The following MACROH2A2 variants were observed in gnomAD, a reference collection of about 807,000 sequenced individuals.
MACROH2A2 encodes the protein macroH2A.2 histone.
A neutral mutation model predicts 37.6 loss-of-function variants in MACROH2A2; 6 were observed. The observed-to-expected ratio is 0.16, with a 90% CI of 0.09 to 0.32. The LOEUF (loss-of-function observed/expected upper bound fraction) is 0.32, where lower values mean the gene tolerates loss of function less well. Ranked by LOEUF, MACROH2A2 falls within the 10% of genes least tolerant of loss-of-function variation. MACROH2A2 has a pLI of 1.00. For synonymous variants in MACROH2A2, 192 were observed against 202.7 expected (o/e 0.95, Z 0.45); for missense variants, 290 against 485.9 (o/e 0.60, Z 3.79).
At chr10:70,079,454 C>T (rs1012582448) in intron 2 of MACROH2A2, among the ~76,000 whole-genome samples, 2 of 151,740 alleles carry the variant, frequency 1.3e-5, no homozygotes, top group East Asian at 1.9e-4. Flanking sequence ...TCTAATGTGC[C>T]GAGAGCAGAG....
chr10:70,056,678 C>T lies in MACROH2A2; in HGVS notation c.-60+3678C>T, dbSNP rs151060464. 2.6e-3 allele frequency among the ~76,000 whole-genome samples: 397 copies of T among 152,144 alleles called. 5 individuals carry two copies. The highest frequency in any genetic ancestry group is 9.0e-3 in the African/African-American group (372 of 41,504). On this transcript the variant is annotated intron_variant, in intron 1 of 8. Transcript: ENST00000373255. ...ATTTGGATGAAGAAGGGTAAGGGAG[C>T]GAGGCAGGTGGAAGGAAGCTGGATG... is the stretch of plus-strand genomic sequence containing the variant.
intron 8 of MACROH2A2, among the ~76,000 whole-genome samples, chr10:70,110,729 T>TA (rs35950966): frequency 2.7e-4 from 40 of 148,960 alleles, no homozygotes; most frequent in Non-Finnish European, 4.8e-4. Context: ...ACAAAAAATT[T>TA]AAAAAAAAAA....
At chr10:70,111,363 C>A (rs1438991177) in intron 8 of MACROH2A2, among the ~76,000 whole-genome samples, 155 bp from the exon 9 acceptor site, 1 of 152,150 alleles carries the variant, frequency 6.6e-6, no homozygotes, top group Non-Finnish European at 1.5e-5. Flanking sequence ...CCACCTGCCA[C>A]CCCCAGGCTG....
intron 1 of MACROH2A2, among the ~76,000 whole-genome samples, chr10:70,054,103 G>C (rs990712187): frequency 6.6e-6 from 1 of 152,232 alleles, no homozygotes; most frequent in Non-Finnish European, 1.5e-5. Flanking sequence ...AATGGCCAAA[G>C]GGGCATTGGT....
intron 1 of MACROH2A2, among the ~76,000 whole-genome samples, chr10:70,056,625 G>A (rs1333373209): frequency 6.6e-6 from 1 of 152,170 alleles, no homozygotes; most frequent in African/African-American, 2.4e-5. Flanking sequence ...GAGGGTGTTG[G>A]GCTAGGCTTC....
At chr10:70,086,914 G>A (rs1446850309) in intron 2 of MACROH2A2, among the ~76,000 whole-genome samples, 1 of 152,210 alleles carries the variant, frequency 6.6e-6, no homozygotes, top group Non-Finnish European at 1.5e-5. Flanking sequence ...AGCCTGCCGG[G>A]AACAGCGGCT....
intron 7 of MACROH2A2, among the ~76,000 whole-genome samples, chr10:70,108,454 T>G (rs2072350582): frequency 1.3e-5 from 2 of 152,108 alleles, no homozygotes; most frequent in Admixed American, 1.3e-4. Flanking sequence ...AGCTGCAACA[T>G]TCCTTGGCTC....
At chr10:70,085,449 T>C (rs2072205409) in intron 2 of MACROH2A2, among the ~76,000 whole-genome samples, 1 of 152,112 alleles carries the variant, frequency 6.6e-6, no homozygotes, top group Admixed American at 6.6e-5. Context: ...TGCCAAGCAG[T>C]GGGCAAGTGG....
Position 70,090,806 on chromosome 10 carries a change from C to T in MACROH2A2, c.279+640C>T, listed in dbSNP as rs118072614. ...CATAATTTTTTGTTATCAGATTCAA[C>T]AGATATACAATAACTGTCAGTTTGC... On this transcript the variant is annotated intron_variant, in intron 3 of 8. Transcript: ENST00000373255. Among the ~76,000 whole-genome samples, 70 of 152,302 alleles carry T rather than the reference C, an allele frequency of 4.6e-4. No individual in the cohort carries two copies. The East Asian group carries it at 0.013, about 29-fold the overall frequency.
At chr10:70,108,800 G>A (rs757767119) in intron 7 of MACROH2A2, among the ~76,000 whole-genome samples, 29 of 152,246 alleles carry the variant, frequency 1.9e-4, no homozygotes, top group African/African-American at 5.5e-4. Context: ...TGAAAATGGC[G>A]CATCAGAGCA....
At chr10:70,094,379 C>T (rs939284087) in intron 5 of MACROH2A2, among the ~76,000 whole-genome samples, 3 of 152,192 alleles carry the variant, frequency 2.0e-5, no homozygotes, top group Non-Finnish European at 4.4e-5. Flanking sequence ...TTCAGCAACA[C>T]AACAGCAGCC....
At chr10:70,063,216 A>G (rs768241368) in intron 1 of MACROH2A2, among the ~76,000 whole-genome samples, 3 of 152,216 alleles carry the variant, frequency 2.0e-5, no homozygotes, top group Non-Finnish European at 4.4e-5. Context: ...GGTCTAAAGA[A>G]ACCGGACTAT....
intron 5 of MACROH2A2, among the ~76,000 whole-genome samples, chr10:70,094,458 G>C (rs1439331527): frequency 1.3e-5 from 2 of 152,162 alleles, no homozygotes; most frequent in Admixed American, 1.3e-4. Context: ...TATCTACCAA[G>C]TCAACTGGGG....
At chr10:70,102,804 C>T (rs907690591) in intron 7 of MACROH2A2, among the ~76,000 whole-genome samples, 1 of 152,160 alleles carries the variant, frequency 6.6e-6, no homozygotes, top group Non-Finnish European at 1.5e-5. Flanking sequence ...AATCTCCACC[C>T]ACTACTCCCC....
Position 70,111,979 on chromosome 10 carries a change from C to A in MACROH2A2, c.*296C>A. ...TAGCATTGACTTTTACACACATTCA[C>A]ACAAGAAAAAAATCCTTTCAAAATT... On this transcript the variant is annotated 3_prime_UTR_variant, in exon 9 of 9. Coordinates refer to ENST00000373255, the MANE Select transcript of MACROH2A2 (RefSeq NM_018649.3). 4.5e-6 allele frequency: 1 copy of A among 220,046 alleles called. No homozygotes were observed. Among genetic ancestry groups the A allele is most frequent in the East Asian group, 9.5e-5 (1 of 10,558 alleles). The allele number at this position is 220,046 out of a possible 1,614,324, so 13.6% of individuals were successfully genotyped here. A position where few individuals can be genotyped will look rare whatever the true frequency, so the allele number is the denominator to read the frequency against.
intron 1 of MACROH2A2, among the ~76,000 whole-genome samples, chr10:70,054,763 T>C (rs1212092515): frequency 6.6e-6 from 1 of 152,194 alleles, no homozygotes; most frequent in Non-Finnish European, 1.5e-5. Context: ...AAATTACATA[T>C]AAATAAATAG....
Position 70,093,849 on chromosome 10 carries a change from A to G in MACROH2A2, c.588+4A>G, listed in dbSNP as rs1298349612. 2 of 1,494,974 alleles carry G rather than the reference A, an allele frequency of 1.3e-6. No individual in the cohort carries two copies. The highest frequency in any genetic ancestry group is 1.9e-6 in the Non-Finnish European group (2 of 1,071,714). The allele number at this position is 1,494,974 out of a possible 1,614,324, so 92.6% of individuals were successfully genotyped here. On this transcript the variant is annotated splice_donor_region_variant and intron_variant, in intron 5 of 8. Transcript: ENST00000373255. ...GAGCCTTGTTCTGGGACAGAAGGTA[A>G]CAAAGAGAATTGCCTTGTGCTATAT...
intron 1 of MACROH2A2, among the ~76,000 whole-genome samples, chr10:70,066,709 C>G (rs2072080888): frequency 6.6e-6 from 1 of 152,144 alleles, no homozygotes; most frequent in African/African-American, 2.4e-5. Context: ...GTGAATTTGC[C>G]TACATGCTAA....
intron 6 of MACROH2A2, 80 bp from the exon 7 acceptor site, chr10:70,100,128 T>A: frequency 1.4e-6 from 1 of 724,142 alleles, no homozygotes. Flanking sequence ...TGTTTTCTCC[T>A]GGCCTACTAC....
Sources: allele counts gnomAD v4.1 joint callset (sites outside exome capture counted in the v4.1 genomes callset), GRCh38; gene constraint gnomAD v4.1.1; transcripts MANE v1.5; gene names NCBI Gene and HGNC (gene_info 2026-07-23, HGNC 2026-07-21).